The following HSD17B12 variants were observed in gnomAD, a reference collection of about 807,000 sequenced individuals.
HSD17B12 encodes the protein hydroxysteroid 17-beta dehydrogenase 12, also known as very-long-chain 3-oxoacyl-CoA reductase.
HSD17B12 carries 32 observed loss-of-function variants against 39.3 expected under a neutral mutation model. The ratio of observed to expected loss-of-function variants is 0.81; its 90% CI spans 0.61 to 1.09. The LOEUF (loss-of-function observed/expected upper bound fraction) is 1.09. Ranked by LOEUF, HSD17B12 falls within the 50% of genes least tolerant of loss-of-function variation. HSD17B12 has a pLI of 0.00. For missense variants in HSD17B12, 342 were observed against 382.9 expected (o/e 0.89, Z 0.89); for synonymous variants, 150 against 146.7 (o/e 1.02, Z -0.16).
At chr11:43,651,073 A>G in the HSD17B12 span, among the ~76,000 whole-genome samples, 1 of 152,224 alleles carries the variant, frequency 6.6e-6, no homozygotes, top group African/African-American at 2.4e-5. Context: ...ACATATATCT[A>G]CCATGCATAA....
At chr11:43,619,676 G>A in the HSD17B12 span, among the ~76,000 whole-genome samples, 1 of 152,182 alleles carries the variant, frequency 6.6e-6, no homozygotes, top group East Asian at 1.9e-4. Flanking sequence ...ACAGGTGTGA[G>A]CCACCATGCC....
At chr11:43,695,624 A>G (rs1949904058) in intron 1 of HSD17B12, among the ~76,000 whole-genome samples, 1 of 152,206 alleles carries the variant, frequency 6.6e-6, no homozygotes, top group African/African-American at 2.4e-5. Flanking sequence ...ATATCTTTTA[A>G]TGATGATTCT....
chr11:43,636,514 A>G, the HSD17B12 span, among the ~76,000 whole-genome samples: 5 of 152,300 alleles, frequency 3.3e-5, no homozygotes, highest in African/African-American at 9.6e-5. Flanking sequence ...TGGAGTTACC[A>G]TTACATGAAT....
At chr11:43,721,452 A>C (rs540454047) in intron 1 of HSD17B12, among the ~76,000 whole-genome samples, 31 of 152,162 alleles carry the variant, frequency 2.0e-4, no homozygotes, top group African/African-American at 7.2e-4. Context: ...CCCCATCTCT[A>C]CTAAAAATAC....
At chr11:43,617,759 T>C in the HSD17B12 span, among the ~76,000 whole-genome samples, 1 of 152,114 alleles carries the variant, frequency 6.6e-6, no homozygotes, top group Non-Finnish European at 1.5e-5. Flanking sequence ...GCAGCAAGTG[T>C]GGACCTTCAA....
the HSD17B12 span, among the ~76,000 whole-genome samples, chr11:43,627,236 A>ATT: frequency 7.3e-5 from 11 of 150,968 alleles, no homozygotes; most frequent in South Asian, 6.3e-4. Context: ...TTAGTCCTTG[A>ATT]TTTTTTTTTA....
the HSD17B12 span, among the ~76,000 whole-genome samples, chr11:43,590,875 C>G: frequency 6.9e-6 from 1 of 145,066 alleles, no homozygotes; most frequent in African/African-American, 2.6e-5. Flanking sequence ...AAAAAGAGGA[C>G]AGAAAACATG....
chr11:43,812,112 A>G (rs1252562929), intron 4 of HSD17B12, among the ~76,000 whole-genome samples: 2 of 151,896 alleles, frequency 1.3e-5, no homozygotes, highest in African/African-American at 4.8e-5. Context: ...TTCTTTATCT[A>G]TTTATTTGTT....
chr11:43,727,837 G>A (rs1950234708), intron 1 of HSD17B12, among the ~76,000 whole-genome samples: 1 of 152,098 alleles, frequency 6.6e-6, no homozygotes, highest in African/African-American at 2.4e-5. Context: ...CTCAGGTTGG[G>A]AGAGATGAAC....
chr11:43,705,492 TC>T (rs1364925917), intron 1 of HSD17B12, among the ~76,000 whole-genome samples: 3 of 152,132 alleles, frequency 2.0e-5, no homozygotes, highest in African/African-American at 7.2e-5. Context: ...TTGAAAAGGA[TC>T]AGGACTGGCT....
intron 1 of HSD17B12, among the ~76,000 whole-genome samples, chr11:43,734,746 G>T (rs1051528275): frequency 6.6e-6 from 1 of 152,196 alleles, no homozygotes. Context: ...AAATGGGGGG[G>T]CAGGGTTAAA....
intron 7 of HSD17B12, among the ~76,000 whole-genome samples, chr11:43,835,422 C>G (rs1220473701): frequency 6.6e-5 from 10 of 152,152 alleles, no homozygotes; most frequent in African/African-American, 2.4e-4. Flanking sequence ...AAGATTGAGG[C>G]AGGCTACACC....
At chr11:43,564,720 T>C in the HSD17B12 span, among the ~76,000 whole-genome samples, 1 of 152,310 alleles carries the variant, frequency 6.6e-6, no homozygotes, top group East Asian at 1.9e-4. Context: ...CAAAGTTGTT[T>C]TGACTTGTAA....
At chr11:43,694,775 A>G (rs923801960) in intron 1 of HSD17B12, among the ~76,000 whole-genome samples, 2 of 152,210 alleles carry the variant, frequency 1.3e-5, no homozygotes, top group East Asian at 1.9e-4. Context: ...CAGTGTGCTC[A>G]TTAACGTTAC....
chr11:43,725,932 A>G (rs1950216587), intron 1 of HSD17B12, among the ~76,000 whole-genome samples: 1 of 152,194 alleles, frequency 6.6e-6, no homozygotes, highest in Non-Finnish European at 1.5e-5. Context: ...TGCTTTGTTA[A>G]TCATCAAGTA....
At chr11:43,684,714 T>C (rs1474348062) in intron 1 of HSD17B12, among the ~76,000 whole-genome samples, 1 of 152,234 alleles carries the variant, frequency 6.6e-6, no homozygotes, top group Non-Finnish European at 1.5e-5. Context: ...ATAATTAATA[T>C]ACCATACAAT....
intron 9 of HSD17B12, chr11:43,852,885 G>C (rs1340130888): frequency 6.6e-6 from 1 of 152,176 alleles, no homozygotes; most frequent in African/African-American, 2.4e-5. Context: ...TGTGGCTGCA[G>C]CAACAAGGAA....
the HSD17B12 span, among the ~76,000 whole-genome samples, chr11:43,631,110 T>C: frequency 1.3e-5 from 2 of 152,236 alleles, no homozygotes; most frequent in East Asian, 1.9e-4. Flanking sequence ...CGACCAATAA[T>C]TTCTTTTTTA....
At chr11:43,846,938 G>A (rs1951481701) in intron 9 of HSD17B12, among the ~76,000 whole-genome samples, 1 of 152,160 alleles carries the variant, frequency 6.6e-6, no homozygotes, top group African/African-American at 2.4e-5. Context: ...CTGGCAAAAG[G>A]CACACAGAGC....
Sources: allele counts gnomAD v4.1 joint callset (sites outside exome capture counted in the v4.1 genomes callset), GRCh38; gene constraint gnomAD v4.1.1; transcripts MANE v1.5; gene names NCBI Gene and HGNC (gene_info 2026-07-23, HGNC 2026-07-21).